The following PTPDC1 variants were observed in gnomAD, a reference collection of about 807,000 sequenced individuals.
PTPDC1 encodes protein tyrosine phosphatase domain-containing protein 1.
In PTPDC1, 53 loss-of-function variants were observed where a neutral mutation model predicts 75.3. The ratio of observed to expected loss-of-function variants is 0.70; its 90% CI spans 0.56 to 0.88. The LOEUF is 0.88. Among genes scored for constraint, PTPDC1 ranks in the 40% least tolerant of loss-of-function variants. The pLI is 0.00. For missense variants in PTPDC1, 925 were observed against 998.6 expected, an observed-to-expected ratio of 0.93 and a Z score of 0.99; for synonymous variants, 349 against 366.2, an observed-to-expected ratio of 0.95 and a Z score of 0.54.
chr9:94,051,192 C>T (rs796429053), intron 1 of PTPDC1, among the ~76,000 whole-genome samples: 13 of 152,334 alleles, frequency 8.5e-5, no homozygotes, highest in African/African-American at 3.1e-4. Flanking sequence ...TGCTTCGGCT[C>T]ATGCTGGGTG....
upstream of PTPDC1, among the ~76,000 whole-genome samples, chr9:94,080,073 G>A (rs1826824913): frequency 1.3e-5 from 2 of 152,162 alleles, no homozygotes; most frequent in African/African-American, 2.4e-5. Flanking sequence ...GGCTCCATGT[G>A]GCAGGGTGAC....
chr9:94,043,877 A>G lies in PTPDC1; in HGVS notation c.-7+12750A>G, dbSNP rs542551007. On this transcript the variant is annotated intron_variant, in intron 1 of 9. Transcript: ENST00000375360. ...GTGAGTGAGGTTGAATTCACTTCATATAAACATCCAGATGTCTTGCATCAT... is the reference window on the plus strand; with the variant it reads ...GTGAGTGAGGTTGAATTCACTTCATGTAAACATCCAGATGTCTTGCATCAT... Among the ~76,000 whole-genome samples, 3 of 152,368 alleles carry G rather than the reference A, an allele frequency of 2.0e-5. No individual in the cohort carries two copies. The East Asian group carries it at 5.8e-4, about 29-fold the overall frequency.
intron 2 of PTPDC1, among the ~76,000 whole-genome samples, chr9:94,075,607 A>G (rs1826658178): frequency 6.6e-6 from 1 of 152,200 alleles, no homozygotes; most frequent in Admixed American, 6.5e-5. Flanking sequence ...AATCCCAGGT[A>G]GCTCACAGCC....
chr9:94,087,640 T>C (rs1206015313), intron 2 of PTPDC1, among the ~76,000 whole-genome samples, 191 bp from the exon 3 acceptor site: 1 of 152,230 alleles, frequency 6.6e-6, no homozygotes, highest in Non-Finnish European at 1.5e-5. Context: ...GCATACCTTT[T>C]TGTATTGTTT....
At chr9:94,092,850 G>T (rs1564030174) in intron 4 of PTPDC1, among the ~76,000 whole-genome samples, 1 of 151,058 alleles carries the variant, frequency 6.6e-6, no homozygotes, top group Non-Finnish European at 1.5e-5. Flanking sequence ...GTCCTTCTTT[G>T]TCTCTTTTGA....
intron 4 of PTPDC1, among the ~76,000 whole-genome samples, chr9:94,092,449 T>C (rs1827364296): frequency 7.1e-6 from 1 of 141,474 alleles, no homozygotes; most frequent in Admixed American, 7.1e-5. Flanking sequence ...GTCTGAGAGA[T>C]AGTTTGTTAT....
chr9:94,103,277 AG>A (rs1380329074), intron 7 of PTPDC1, among the ~76,000 whole-genome samples: 35 of 152,378 alleles, frequency 2.3e-4, no homozygotes, highest in African/African-American at 7.9e-4. Context: ...AATGTTTGGT[AG>A]GTGACTGGGC....
At chr9:94,055,027 T>C (rs1825892228) in intron 1 of PTPDC1, among the ~76,000 whole-genome samples, 1 of 152,246 alleles carries the variant, frequency 6.6e-6, no homozygotes, top group African/African-American at 2.4e-5. Flanking sequence ...TGGAGCTCCA[T>C]TCTATTTTGT....
At position 94,084,507 on chromosome 9, in the gene PTPDC1, C is replaced by T. The variant is rs148052448; in HGVS notation, c.-24C>T. 4,961 of 1,606,594 alleles carry T rather than the reference C, an allele frequency of 3.1e-3. 9 individuals carry two copies. The highest frequency in any genetic ancestry group is 0.013 in the Middle Eastern group (57 of 4,542). On this transcript the variant is annotated 5_prime_UTR_variant, in exon 1 of 9. Transcript: ENST00000620992. ...AGTGAGTGGGGCTGACTCTTCCTGC[C>T]TCCGGCTCTTGCCTCCCAGTGCCAT... is the stretch of plus-strand genomic sequence containing the variant.
At chr9:94,086,916 G>A (rs1827092898) in intron 2 of PTPDC1, among the ~76,000 whole-genome samples, 1 of 152,200 alleles carries the variant, frequency 6.6e-6, no homozygotes, top group Non-Finnish European at 1.5e-5. Flanking sequence ...CCAAATTACA[G>A]TAACTCAGTA....
At chr9:94,098,667 T>C in intron 6 of PTPDC1, 88 bp downstream of exon 6, 1 of 1,142,044 alleles carries the variant, frequency 8.8e-7, no homozygotes. Context: ...AACTTATTTA[T>C]TATAGAAATG....
chr9:94,069,826 T>TC (rs1826450986), intron 2 of PTPDC1, among the ~76,000 whole-genome samples: 1 of 145,680 alleles, frequency 6.9e-6, no homozygotes, highest in African/African-American at 2.5e-5. Flanking sequence ...ATACTTTCTT[T>TC]TTTTTTTTTT....
intron 8 of PTPDC1, among the ~76,000 whole-genome samples, chr9:94,107,096 G>A (rs1315033681): frequency 1.3e-5 from 2 of 152,102 alleles, no homozygotes; most frequent in Non-Finnish European, 2.9e-5. Flanking sequence ...TGGGACTACA[G>A]GCATGTGCCA....
intron 6 of PTPDC1, chr9:94,100,659 A>AT (rs1156288811): frequency 6.6e-6 from 1 of 152,180 alleles, no homozygotes; most frequent in African/African-American, 2.4e-5. Flanking sequence ...GCTGGGTGCC[A>AT]TTTGAGAGTT....
At chr9:94,102,122 A>G (rs1827861890) in intron 7 of PTPDC1, among the ~76,000 whole-genome samples, 1 of 149,386 alleles carries the variant, frequency 6.7e-6, no homozygotes, top group Non-Finnish European at 1.5e-5. Flanking sequence ...ATAAATATTG[A>G]CTCTTAACGG....
chr9:94,051,250 A>G (rs1825783381), intron 1 of PTPDC1, among the ~76,000 whole-genome samples: 2 of 152,148 alleles, frequency 1.3e-5, no homozygotes, highest in Non-Finnish European at 2.9e-5. Flanking sequence ...CCCCAGTGAG[A>G]TGAACCCAGT....
At position 94,107,890 on chromosome 9, in the gene PTPDC1, C is replaced by T. The variant is rs778733662; in HGVS notation, c.2373C>T (p.His791=). 1.9e-6 allele frequency: 3 copies of T among 1,610,576 alleles called. No homozygotes were observed. The highest frequency in any genetic ancestry group is 2.5e-6 in the Non-Finnish European group (3 of 1,178,592). ...ACACCCTGAAGAAAATATTTAAGCA[C>T]ACGCTGGAAGAAAAAAGAAAAATGA... is the stretch of plus-strand genomic sequence containing the variant. ...VYNTLKKIFK[H]TLEEKRKMTK... is the part of the protein sequence containing the mutation. Residue 791 remains histidine (H), a synonymous_variant, in exon 9 of 9, where the codon CAC becomes CAT. Coordinates refer to ENST00000620992, the MANE Select transcript of PTPDC1 (RefSeq NM_001253829.2).
In PTPDC1 at chr9:94,097,397, G is replaced by A. The variant is rs566400138; in HGVS notation, c.831G>A (p.Lys277=). 49 of 1,614,096 alleles carry A rather than the reference G, an allele frequency of 3.0e-5. No homozygotes were observed. In the South Asian group the frequency reaches 3.7e-4, roughly 12 times the overall value. The change falls in exon 6 of 9, where the codon AAG becomes AAA. Residue 277 remains lysine, a synonymous_variant. Transcript: ENST00000620992. ...ADQAIIFVRA[K]RPNSIQTRGQ... is the part of the protein sequence containing the mutation. ...AAGCAATTATATTTGTGCGGGCAAA[G>A]CGACCCAATTCCATACAAACCAGAG...
At chr9:94,097,097 C>G (rs547426184) in intron 5 of PTPDC1, among the ~76,000 whole-genome samples, 2 of 152,172 alleles carry the variant, frequency 1.3e-5, no homozygotes, top group Admixed American at 1.3e-4. Context: ...CATGGGGAGG[C>G]GGTGCCACAT....
Sources: gnomAD v4.1 joint callset for allele counts (sites outside exome capture counted in the v4.1 genomes callset) on GRCh38, gnomAD v4.1.1 for gene constraint, MANE v1.5 for transcripts, NCBI Gene and HGNC (gene_info 2026-07-23, HGNC 2026-07-21) for gene names.